Variants in POR observed in about 807,000 individuals in gnomAD.
POR encodes cytochrome p450 oxidoreductase.
POR carries 56 observed loss-of-function variants against 84.0 expected under a neutral mutation model. The ratio of observed to expected loss-of-function variants is 0.67; its 90% CI spans 0.54 to 0.83. POR has a LOEUF of 0.83. POR is among the 40% of genes least tolerant of loss of function. The pLI, the probability that POR is intolerant of heterozygous loss-of-function variation, is 0.00. For missense variants in POR, 938 were observed against 944.3 expected (o/e 0.99, Z 0.09); for synonymous variants, 414 against 400.5 (o/e 1.03, Z -0.40).
chr7:75,939,187 G>A (rs1807841700), intron 1 of POR, among the ~76,000 whole-genome samples: 2 of 152,312 alleles, frequency 1.3e-5, no homozygotes, highest in African/African-American at 2.4e-5. Flanking sequence ...TTTGCTGCAC[G>A]CATGGACGTA....
intron 1 of POR, among the ~76,000 whole-genome samples, chr7:75,950,616 T>C (rs924107766): frequency 9.9e-5 from 15 of 152,224 alleles, no homozygotes; most frequent in Admixed American, 4.6e-4. Flanking sequence ...AATGCCTCTC[T>C]GTCTGGTTCT....
intron 1 of POR, among the ~76,000 whole-genome samples, chr7:75,932,345 T>C (rs1366342476): frequency 6.6e-6 from 1 of 152,106 alleles, no homozygotes; most frequent in Non-Finnish European, 1.5e-5. Flanking sequence ...CACGCCCAGC[T>C]AATTGTTGTA....
At chr7:75,951,842 A>C (rs1488684071) in intron 1 of POR, among the ~76,000 whole-genome samples, 1 of 152,258 alleles carries the variant, frequency 6.6e-6, no homozygotes, top group Non-Finnish European at 1.5e-5. Flanking sequence ...GACTCATGTC[A>C]CGTCTGCCTA....
intron 1 of POR, among the ~76,000 whole-genome samples, chr7:75,949,502 TTG>T (rs1787321006): frequency 6.6e-6 from 1 of 150,580 alleles, no homozygotes; most frequent in African/African-American, 2.5e-5. Flanking sequence ...TCAGGGTTTG[TTG>T]TTGTTGTTGT....
At chr7:75,944,845 C>G (rs555132460) in intron 1 of POR, among the ~76,000 whole-genome samples, 88 of 152,166 alleles carry the variant, frequency 5.8e-4, no homozygotes, top group African/African-American at 2.0e-3. Flanking sequence ...ATCACCTAAC[C>G]TAAACAACAG....
At chr7:75,981,271 C>A (rs1428070562) in intron 6 of POR, 99 bp downstream of exon 6, 3 of 1,431,004 alleles carry the variant, frequency 2.1e-6, no homozygotes, top group East Asian at 5.0e-5. Flanking sequence ...TGAGACTCAG[C>A]GACACGCACC....
Position 75,936,823 on chromosome 7 carries a change from A to AT in POR, c.-4-17145dup, listed in dbSNP as rs71519400. ...GGCTCTGTTTCTCTTATTATTATTAATTTTTTTTTTTTTTTTTTTTTGAGA... is the reference window on the plus strand; with the variant it reads ...GGCTCTGTTTCTCTTATTATTATTAATTTTTTTTTTTTTTTTTTTTTTGAGA... On this transcript the variant is annotated intron_variant, in intron 1 of 15. Transcript: ENST00000461988. 9.5e-3 allele frequency among the ~76,000 whole-genome samples: 1,179 copies of AT among 123,558 alleles called. 8 individuals carry two copies. Among genetic ancestry groups the AT allele is most frequent in the South Asian group, 0.016 (61 of 3,882 alleles). The allele number at this position is 123,558 out of a possible 152,430, so 81.1% of individuals were successfully genotyped here. A position where few individuals can be genotyped will look rare whatever the true frequency, so the allele number is the denominator to read the frequency against.
rs112700922 is a variant in POR at position 75,931,443 on chromosome 7, T to G, written c.-5+16264T>G. 3.5e-3 allele frequency among the ~76,000 whole-genome samples: 538 copies of G among 152,106 alleles called. 4 individuals carry two copies. Among genetic ancestry groups the G allele is most frequent in the African/African-American group, 0.01 (432 of 41,482 alleles). On this transcript the variant is annotated intron_variant, in intron 1 of 15. Transcript: ENST00000461988. ...ATGCAGTGGTGCAGTCTTGGCTCAC[T>G]GCAACCTCCACCTCCCAGGTTCAAG...
chr7:75,982,979 C>G (rs377726873), intron 8 of POR, among the ~76,000 whole-genome samples: 3 of 152,212 alleles, frequency 2.0e-5, no homozygotes, highest in African/African-American at 7.2e-5. Context: ...TAGGGGCCAG[C>G]CTCAGTTTCC....
chr7:75,926,749 G>A (rs1404663834), intron 1 of POR, among the ~76,000 whole-genome samples: 1 of 152,162 alleles, frequency 6.6e-6, no homozygotes, highest in Non-Finnish European at 1.5e-5. Flanking sequence ...AGCTGAGGTT[G>A]CGCCATTGCA....
At chr7:75,939,643 C>T (rs761875991) in intron 1 of POR, among the ~76,000 whole-genome samples, 3 of 149,490 alleles carry the variant, frequency 2.0e-5, no homozygotes, top group Admixed American at 6.8e-5. Flanking sequence ...CTCATTCTAT[C>T]GCCCAGGCTG....
intron 1 of POR, among the ~76,000 whole-genome samples, chr7:75,925,388 G>T (rs1184400680): frequency 6.6e-6 from 1 of 152,110 alleles, no homozygotes; most frequent in Non-Finnish European, 1.5e-5. Flanking sequence ...AGCCAGGCAT[G>T]GTGGTGTGCA....
At chr7:75,982,830 G>T (rs1554558325) in intron 8 of POR, among the ~76,000 whole-genome samples, 2 of 152,224 alleles carry the variant, frequency 1.3e-5, no homozygotes, top group African/African-American at 4.8e-5. Flanking sequence ...CTGCATGTCG[G>T]TGGCTTTCCG....
rs41301433 is a variant in POR, at chr7:75,986,121, C to G, written c.1816-38C>G. 6,013 of 1,585,656 alleles carry G rather than the reference C, an allele frequency of 3.8e-3. 13 individuals carry two copies. The highest frequency in any genetic ancestry group is 4.8e-3 in the Non-Finnish European group (5,606 of 1,166,336). On this transcript the variant is annotated intron_variant, in intron 14 of 15. Transcript: ENST00000461988. ...GGGCATGAGGCTGGCAGGGCCACAG[C>G]CACAGTGCCCCCCTCACAGCACCAC... is the stretch of plus-strand genomic sequence containing the variant.
chr7:75,953,643 C>T (rs1203414458), intron 1 of POR, among the ~76,000 whole-genome samples: 2 of 152,180 alleles, frequency 1.3e-5, no homozygotes, highest in Non-Finnish European at 2.9e-5. Context: ...GCCCCCCGTG[C>T]GGTGTCCTTG....
chr7:75,923,496 T>C (rs1358516428), intron 1 of POR: 1 of 503,396 alleles, frequency 2.0e-6, no homozygotes, highest in African/African-American at 1.9e-5. Flanking sequence ...TGGAAGCTTG[T>C]GTTATTTTTG....
chr7:75,924,969 T>G (rs1451164445), intron 1 of POR, among the ~76,000 whole-genome samples: 2 of 152,054 alleles, frequency 1.3e-5, no homozygotes, highest in Admixed American at 1.3e-4. Context: ...CTCAACTGGG[T>G]TGTGAGTTTG....
At chr7:75,965,077 G>A (rs1788118812) in intron 2 of POR, among the ~76,000 whole-genome samples, 1 of 152,170 alleles carries the variant, frequency 6.6e-6, no homozygotes, top group Admixed American at 6.5e-5. Context: ...ACAGGGAGCT[G>A]GGGAAGCCTG....
At chr7:75,927,670 A>ATTT (rs36041813) in intron 1 of POR, among the ~76,000 whole-genome samples, 2 of 135,206 alleles carry the variant, frequency 1.5e-5, no homozygotes, top group Non-Finnish European at 3.2e-5. Flanking sequence ...TTCTGTCTCA[A>ATTT]TTTTTTTTTT....
Sources: gnomAD v4.1 joint callset for allele counts (sites outside exome capture counted in the v4.1 genomes callset) on GRCh38, gnomAD v4.1.1 for gene constraint, MANE v1.5 for transcripts, NCBI Gene and HGNC (gene_info 2026-07-23, HGNC 2026-07-21) for gene names.